The following FBLN2 variants were observed in gnomAD, a reference collection of about 807,000 sequenced individuals.
The protein encoded by FBLN2 is fibulin 2.
Under a neutral mutation model 123.7 loss-of-function variants are expected in FBLN2, and 81 were observed. The ratio of observed to expected loss-of-function variants is 0.65; its 90% CI spans 0.55 to 0.79. The LOEUF (loss-of-function observed/expected upper bound fraction) is 0.79, where lower values mean the gene tolerates loss of function less well. Among genes scored for constraint, FBLN2 ranks in the 30% least tolerant of loss-of-function variants. The probability of loss-of-function intolerance (pLI) is 0.00; values close to 1 mark genes in which losing one functional copy is unlikely to be tolerated. For synonymous variants in FBLN2, 699 were observed against 701.4 expected, an observed-to-expected ratio of 1.00 and a Z score of 0.05; for missense variants, 1,603 against 1,681.3, an observed-to-expected ratio of 0.95 and a Z score of 0.81.
intron 2 of FBLN2, among the ~76,000 whole-genome samples, chr3:13,587,159 A>AT (rs1213892212): frequency 3.6e-5 from 5 of 139,986 alleles, no homozygotes; most frequent in African/African-American, 8.4e-5. Flanking sequence ...AAAAAAAAAA[A>AT]AATAAATAAA....
intron 5 of FBLN2, among the ~76,000 whole-genome samples, chr3:13,617,141 T>TC (rs1559420973): frequency 0.072 from 9,031 of 125,864 alleles, 320 homozygotes; most frequent in African/African-American, 0.16. Context: ...CATCCATTCA[T>TC]CAATCCATCC....
chr3:13,569,350 C>T (rs995904106), intron 1 of FBLN2, among the ~76,000 whole-genome samples: 15 of 152,008 alleles, frequency 9.9e-5, no homozygotes, highest in Non-Finnish European at 1.6e-4. Context: ...GCTGTGGGGC[C>T]GTGGCATGTC....
chr3:13,620,269 G>A (rs185414373), intron 8 of FBLN2, among the ~76,000 whole-genome samples: 43 of 152,242 alleles, frequency 2.8e-4, no homozygotes, highest in Non-Finnish European at 5.6e-4. Flanking sequence ...GCTGGTCCGC[G>A]GACACCACCT....
intron 16 of FBLN2, among the ~76,000 whole-genome samples, chr3:13,635,546 G>T (rs1038017468): frequency 1.3e-5 from 2 of 152,208 alleles, no homozygotes; most frequent in African/African-American, 4.8e-5. Flanking sequence ...GGAGGTGTGC[G>T]TGTGCTCACG....
chr3:13,630,662 T>G, intron 14 of FBLN2, 37 bp from the exon 15 acceptor site: 2 of 1,521,214 alleles, frequency 1.3e-6, no homozygotes, highest in Non-Finnish European at 1.8e-6. Flanking sequence ...AAGGCAGACT[T>G]GGGCCCTGCC....
chr3:13,629,407 GGAGTCCAC>G, intron 13 of FBLN2, 115 bp downstream of exon 13: 1 of 1,370,702 alleles, frequency 7.3e-7, no homozygotes, highest in Non-Finnish European at 9.7e-7. Flanking sequence ...CCCACCTGCT[GGAGTCCAC>G]AAGGTCGCCT....
chr3:13,616,102 G>A (rs73150610), intron 5 of FBLN2, among the ~76,000 whole-genome samples: 5,674 of 152,236 alleles, frequency 0.037, 379 homozygotes, highest in African/African-American at 0.13. Flanking sequence ...GACCTGGGCA[G>A]ATCAACCAGA....
chr3:13,604,195 C>G (rs1212523550), intron 2 of FBLN2, among the ~76,000 whole-genome samples: 6 of 152,198 alleles, frequency 3.9e-5, no homozygotes, highest in African/African-American at 1.2e-4. Flanking sequence ...CCTGTTCACT[C>G]TGATGGTAGT....
intron 1 of FBLN2, among the ~76,000 whole-genome samples, chr3:13,569,695 C>T (rs956221421): frequency 3.3e-5 from 5 of 151,874 alleles, no homozygotes; most frequent in Admixed American, 6.6e-5. Context: ...CTAGGGTCTG[C>T]GGGCTGGGGC....
At chr3:13,608,404 G>T (rs1354586401) in intron 3 of FBLN2, among the ~76,000 whole-genome samples, 1 of 152,252 alleles carries the variant, frequency 6.6e-6, no homozygotes, top group African/African-American at 2.4e-5. Flanking sequence ...TTGGTAGCTG[G>T]CCTAGTGAGC....
At chr3:13,614,669 T>TCCATCCAC (rs770472783) in intron 5 of FBLN2, among the ~76,000 whole-genome samples, 44 of 144,888 alleles carry the variant, frequency 3.0e-4, no homozygotes, top group Admixed American at 9.6e-4. Context: ...CATCCATCCA[T>TCCATCCAC]CCACCTACCC....
In FBLN2 at chr3:13,557,068, T is replaced by C. The variant is rs546976074; in HGVS notation, c.-42+7860T>C. On this transcript the variant is annotated intron_variant, in intron 1 of 17. Coordinates refer to ENST00000404922, the MANE Select transcript of FBLN2 (RefSeq NM_001004019.2). The stretch of plus-strand genomic sequence containing the variant: ...GCTGTTTCTTCCTCTGCAGGTGGTC[T>C]GTGCTTTCTTTTATTTCCACTTCAA... Among the ~76,000 whole-genome samples, 11 of 152,406 alleles carry C rather than the reference T, an allele frequency of 7.2e-5. No homozygotes were observed. The South Asian group carries it at 2.1e-3, about 29-fold the overall frequency.
intron 9 of FBLN2, among the ~76,000 whole-genome samples, chr3:13,625,797 G>C (rs184666389): frequency 6.6e-6 from 1 of 150,968 alleles, no homozygotes; most frequent in African/African-American, 2.4e-5. Context: ...AAATAAATAA[G>C]ACCACTTTCT....
intron 11 of FBLN2, 145 bp downstream of exon 11, chr3:13,628,114 GCATGT>G: frequency 9.4e-7 from 1 of 1,067,550 alleles, no homozygotes; most frequent in South Asian, 1.7e-5. Flanking sequence ...CTGTGAATGG[GCATGT>G]CAAGTGTTCA....
At chr3:13,607,839 A>G (rs6442403) in intron 2 of FBLN2, among the ~76,000 whole-genome samples, 44,231 of 151,792 alleles carry the variant, frequency 0.29, 7,779 homozygotes, top group African/African-American at 0.5. Context: ...CCCCATGTTA[A>G]CCTGTTATGG....
chr3:13,633,430 G>T (rs141264990), intron 16 of FBLN2, among the ~76,000 whole-genome samples: 2 of 152,274 alleles, frequency 1.3e-5, no homozygotes, highest in Non-Finnish European at 2.9e-5. Flanking sequence ...TGCCGCCCTC[G>T]CTTGCTCTCC....
In FBLN2 at chr3:13,603,745, T is replaced by C. The variant is rs1398005554; in HGVS notation, c.1307-4317T>C. Among the ~76,000 whole-genome samples the C allele has an allele frequency of 2.0e-5, 3 of 152,228 alleles. No homozygotes were observed. In the East Asian group the frequency reaches 5.8e-4, roughly 29 times the overall value. On this transcript the variant is annotated intron_variant, in intron 2 of 17. Coordinates refer to ENST00000404922, the MANE Select transcript of FBLN2 (RefSeq NM_001004019.2). ...AGCATGATTTATAATCCTTTGGGTA[T>C]ATACCCAGTAATGGGATGGCTGGGT...
At chr3:13,566,748 C>T (rs1703759381) in intron 1 of FBLN2, among the ~76,000 whole-genome samples, 1 of 152,248 alleles carries the variant, frequency 6.6e-6, no homozygotes, top group Non-Finnish European at 1.5e-5. Context: ...GTGGCCAGAG[C>T]TCTGTGGCTT....
At chr3:13,572,807 G>T (rs1193731447) in intron 2 of FBLN2, among the ~76,000 whole-genome samples, 2 of 152,236 alleles carry the variant, frequency 1.3e-5, no homozygotes, top group Admixed American at 1.3e-4. Flanking sequence ...CCCCCACGAG[G>T]CTGACCCCTT....
Sources: allele counts gnomAD v4.1 joint callset (sites outside exome capture counted in the v4.1 genomes callset), GRCh38; gene constraint gnomAD v4.1.1; transcripts MANE v1.5; gene names NCBI Gene and HGNC (gene_info 2026-07-23, HGNC 2026-07-21).